The following SUGCT variants were observed in gnomAD, a reference collection of about 807,000 sequenced individuals.
SUGCT encodes succinyl-CoA:glutarate CoA-transferase.
Under a neutral mutation model 55.0 loss-of-function variants are expected in SUGCT, and 41 were observed. The ratio of observed to expected loss-of-function variants is 0.74; its 90% CI spans 0.58 to 0.97. The LOEUF is 0.97. Ranked by LOEUF, SUGCT falls within the 50% of genes least tolerant of loss-of-function variation. SUGCT has a pLI of 0.00. For synonymous variants in SUGCT, 187 were observed against 200.4 expected (o/e 0.93, Z 0.56); for missense variants, 568 against 547.8 (o/e 1.04, Z -0.37).
intron 12 of SUGCT, among the ~76,000 whole-genome samples, chr7:40,693,464 C>T (rs919451349): frequency 3.9e-5 from 6 of 152,274 alleles, no homozygotes; most frequent in Non-Finnish European, 7.3e-5. Context: ...CCATCATTAT[C>T]CCCATTTAAC....
At chr7:40,366,091 G>A (rs985924451) in intron 9 of SUGCT, among the ~76,000 whole-genome samples, 3 of 152,046 alleles carry the variant, frequency 2.0e-5, no homozygotes, top group Admixed American at 6.6e-5. Context: ...ACAGAACAGA[G>A]CCCTCAGAAA....
intron 9 of SUGCT, among the ~76,000 whole-genome samples, chr7:40,408,623 C>A (rs1562755182): frequency 6.6e-6 from 1 of 151,990 alleles, no homozygotes; most frequent in Admixed American, 6.6e-5. Context: ...AACTTTTTTT[C>A]TTTTCTAATT....
Position 40,381,522 on chromosome 7 carries a change from A to C in SUGCT, c.816+64667A>C, listed in dbSNP as rs1333323866. ...TGTTTTCGTAACAACAACAAAAAAA[A>C]CCCTAAATCTGTTGACTCGTGGTTC... On this transcript the variant is annotated intron_variant, in intron 9 of 13. Coordinates refer to ENST00000335693, the MANE Select transcript of SUGCT (RefSeq NM_001193313.2). Among the ~76,000 whole-genome samples the C allele has an allele frequency of 3.3e-5, 5 of 152,254 alleles. No individual in the cohort carries two copies. The South Asian group carries it at 6.2e-4, about 19-fold the overall frequency.
chr7:40,747,797 TA>T (rs1787806394), intron 12 of SUGCT, among the ~76,000 whole-genome samples: 1 of 152,096 alleles, frequency 6.6e-6, no homozygotes, highest in Admixed American at 6.5e-5. Context: ...TTTTTTTAAA[TA>T]AAAAAATGTG....
intron 6 of SUGCT, among the ~76,000 whole-genome samples, chr7:40,201,104 A>G (rs1411898332): frequency 6.6e-6 from 1 of 152,190 alleles, no homozygotes; most frequent in East Asian, 1.9e-4. Flanking sequence ...GGATCTGCAA[A>G]TCCATACTGC....
intron 12 of SUGCT, among the ~76,000 whole-genome samples, chr7:40,615,725 T>C (rs1490481972): frequency 1.3e-5 from 2 of 152,186 alleles, no homozygotes; most frequent in African/African-American, 2.4e-5. Context: ...AACACAAGGA[T>C]CATTTAGGAG....
At chr7:41,038,345 G>A in the SUGCT span, among the ~76,000 whole-genome samples, 5 of 152,196 alleles carry the variant, frequency 3.3e-5, no homozygotes, top group African/African-American at 1.2e-4. Context: ...TATTCTGCAG[G>A]CAGCAAACAG....
At chr7:40,939,014 C>A in the SUGCT span, among the ~76,000 whole-genome samples, 1 of 152,158 alleles carries the variant, frequency 6.6e-6, no homozygotes, top group Non-Finnish European at 1.5e-5. Context: ...ATAATGACTT[C>A]TTTTCCTTTG....
the SUGCT span, among the ~76,000 whole-genome samples, chr7:40,874,240 A>G: frequency 1.3e-5 from 2 of 152,218 alleles, no homozygotes; most frequent in Non-Finnish European, 2.9e-5. Flanking sequence ...CACCAAGGAA[A>G]TGACTCATCC....
intron 7 of SUGCT, among the ~76,000 whole-genome samples, chr7:40,264,564 C>G (rs1324371737): frequency 6.6e-6 from 1 of 152,148 alleles, no homozygotes; most frequent in Non-Finnish European, 1.5e-5. Flanking sequence ...CTCATTTGAT[C>G]TGAATATTCC....
At chr7:40,812,607 TTC>T (rs1232412138) in intron 13 of SUGCT, among the ~76,000 whole-genome samples, 2 of 152,158 alleles carry the variant, frequency 1.3e-5, no homozygotes, top group Non-Finnish European at 2.9e-5. Context: ...TATTTGGATC[TTC>T]TCTCTTTTTT....
rs145368343 is a variant in SUGCT, at chr7:40,525,073, G to T, written c.1089+28687G>T. The stretch of plus-strand genomic sequence containing the variant: ...TAAACTGTTAAACATTCATTATTTT[G>T]TCCTAACAGTTGTAAATTCAATATA... On this transcript the variant is annotated intron_variant, in intron 12 of 13. Transcript: ENST00000335693. Among the ~76,000 whole-genome samples the T allele has an allele frequency of 6.0e-3, 906 of 152,236 alleles. 6 individuals carry two copies. Among genetic ancestry groups the T allele is most frequent in the African/African-American group, 0.02 (833 of 41,550 alleles).
the SUGCT span, among the ~76,000 whole-genome samples, chr7:40,931,243 G>A: frequency 6.6e-6 from 1 of 152,142 alleles, no homozygotes; most frequent in Non-Finnish European, 1.5e-5. Flanking sequence ...TACATATGTT[G>A]AACCAGCCTT....
intron 8 of SUGCT, among the ~76,000 whole-genome samples, chr7:40,296,875 C>G (rs1794188446): frequency 6.6e-6 from 1 of 152,110 alleles, no homozygotes; most frequent in Non-Finnish European, 1.5e-5. Context: ...AGCATGGACT[C>G]TGGAGCCAAA....
At chr7:40,393,519 G>T (rs1785554702) in intron 9 of SUGCT, among the ~76,000 whole-genome samples, 1 of 150,836 alleles carries the variant, frequency 6.6e-6, no homozygotes, top group Non-Finnish European at 1.5e-5. Context: ...TATTGTGGAT[G>T]ATAAAGGGAG....
the SUGCT span, among the ~76,000 whole-genome samples, chr7:40,884,288 CCAGA>C: frequency 2.6e-5 from 4 of 152,310 alleles, no homozygotes; most frequent in East Asian, 7.7e-4. Flanking sequence ...GTCTCCCTGT[CCAGA>C]TTTGTATCAA....
intron 11 of SUGCT, among the ~76,000 whole-genome samples, chr7:40,492,296 C>T (rs140184166): frequency 6.6e-6 from 1 of 151,820 alleles, no homozygotes; most frequent in East Asian, 1.9e-4. Context: ...CAAATGGGAA[C>T]TTGTTTTTGT....
In SUGCT at chr7:40,139,176, A is replaced by AAATCAATC. The variant is rs1202368164; in HGVS notation, c.100+4060_100+4061insAATCAATC. ...TAAATAAATAAATAAATAAATAAAT[A>AAATCAATC]AATCCAGGATTCATAATATTAATTA... On this transcript the variant is annotated intron_variant, in intron 1 of 13. Transcript: ENST00000335693. 5.5e-4 allele frequency among the ~76,000 whole-genome samples: 73 copies of AAATCAATC among 133,066 alleles called. 1 individual carries two copies. Among genetic ancestry groups the AAATCAATC allele is most frequent in the African/African-American group, 1.8e-3 (68 of 36,922 alleles). The allele number at this position is 133,066 out of a possible 152,430, so 87.3% of individuals were successfully genotyped here.
intron 8 of SUGCT, among the ~76,000 whole-genome samples, chr7:40,316,038 T>G (rs1270822860): frequency 6.6e-6 from 1 of 152,206 alleles, no homozygotes; most frequent in South Asian, 2.1e-4. Flanking sequence ...AGAAATTGAC[T>G]CTAAGGTTTT....
Sources: gnomAD v4.1 joint callset for allele counts (sites outside exome capture counted in the v4.1 genomes callset) on GRCh38, gnomAD v4.1.1 for gene constraint, MANE v1.5 for transcripts, NCBI Gene and HGNC (gene_info 2026-07-23, HGNC 2026-07-21) for gene names.